The following ADAMTS18 variants were observed in gnomAD, a reference collection of about 807,000 sequenced individuals.
The protein encoded by ADAMTS18 is A disintegrin and metalloproteinase with thrombospondin motifs 18.
ADAMTS18 carries 157 observed loss-of-function variants against 165.9 expected under a neutral mutation model. The observed-to-expected ratio is 0.95, with a 90% CI of 0.83 to 1.08. The LOEUF is 1.08. Among genes scored for constraint, ADAMTS18 ranks in the 50% least tolerant of loss-of-function variants. The pLI is 0.00. For synonymous variants in ADAMTS18, 782 were observed against 578.2 expected (o/e 1.35, Z -5.06); for missense variants, 2,040 against 1,534.0 (o/e 1.33, Z -5.51).
chr16:77,351,094 C>CT (rs2056549581), intron 10 of ADAMTS18, among the ~76,000 whole-genome samples: 1 of 152,188 alleles, frequency 6.6e-6, no homozygotes, highest in Admixed American at 6.5e-5. Flanking sequence ...GAAATCCCTC[C>CT]TGGCTAGAGC....
At position 77,320,094 on chromosome 16, in the gene ADAMTS18, C is replaced by T; in HGVS notation, c.2288-1G>A. The T allele has an allele frequency of 1.9e-6, 3 of 1,614,036 alleles. No individual in the cohort carries two copies. Among genetic ancestry groups the T allele is most frequent in the Non-Finnish European group, 2.5e-6 (3 of 1,179,980 alleles). ...GGAATGAGGACCACCGGATAATATT[C>T]TAAATGGAAAGAAGAGAACATGTCT... On this transcript the variant is annotated splice_acceptor_variant, in intron 15 of 22. Coordinates refer to ENST00000282849, the MANE Select transcript of ADAMTS18 (RefSeq NM_199355.4). LOFTEE classifies it high-confidence loss of function.
intron 20 of ADAMTS18, among the ~76,000 whole-genome samples, chr16:77,291,739 C>G (rs577556321): frequency 6.6e-6 from 1 of 152,168 alleles, no homozygotes; most frequent in Non-Finnish European, 1.5e-5. Context: ...AAAAAAGGAA[C>G]CTTGGGATGC....
intron 3 of ADAMTS18, among the ~76,000 whole-genome samples, chr16:77,430,952 A>G (rs920040161): frequency 6.6e-6 from 1 of 152,222 alleles, no homozygotes; most frequent in Non-Finnish European, 1.5e-5. Flanking sequence ...ATGTAGACGC[A>G]TGAAGCTTGT....
intron 16 of ADAMTS18, among the ~76,000 whole-genome samples, chr16:77,302,521 T>G (rs1233818632): frequency 6.6e-6 from 1 of 152,104 alleles, no homozygotes; most frequent in Non-Finnish European, 1.5e-5. Context: ...ACGCACATAG[T>G]AGGGGCAAGC....
intron 7 of ADAMTS18, among the ~76,000 whole-genome samples, chr16:77,361,815 C>T (rs762595433): frequency 2.0e-4 from 30 of 152,010 alleles, no homozygotes; most frequent in Non-Finnish European, 3.2e-4. Context: ...ACCCAGGAGG[C>T]GGAGGTTGTA....
intron 11 of ADAMTS18, among the ~76,000 whole-genome samples, chr16:77,341,411 A>C (rs2056395258): frequency 6.6e-6 from 1 of 152,186 alleles, no homozygotes; most frequent in South Asian, 2.1e-4. Context: ...GTTTAAAAGG[A>C]AAATGGTATG....
At chr16:77,346,848 C>G (rs980801564) in intron 10 of ADAMTS18, among the ~76,000 whole-genome samples, 2 of 152,156 alleles carry the variant, frequency 1.3e-5, no homozygotes, top group African/African-American at 4.8e-5. Flanking sequence ...AATATGCATT[C>G]ATTTTAAGTG....
Position 77,353,888 on chromosome 16 carries a change from T to A in ADAMTS18, c.1461-2A>T. 1 of 1,614,210 alleles carries A rather than the reference T, an allele frequency of 6.2e-7. No individual in the cohort carries two copies. The highest frequency in any genetic ancestry group is 8.5e-7 in the Non-Finnish European group (1 of 1,180,014). ...ACTAGACACCCCGCCTGAGGTGTGC[T>A]GTAATGACAATACATGCTTATTAAT... is the stretch of plus-strand genomic sequence containing the variant. On this transcript the variant is annotated splice_acceptor_variant, in intron 9 of 22. Transcript: ENST00000282849. LOFTEE classifies it high-confidence loss of function.
chr16:77,420,165 G>T (rs552789386), intron 3 of ADAMTS18, among the ~76,000 whole-genome samples: 2 of 149,986 alleles, frequency 1.3e-5, no homozygotes, highest in East Asian at 3.9e-4. Flanking sequence ...GTGGGTGAAG[G>T]GTATGTGGAA....
At chr16:77,397,946 C>T (rs1243386368) in intron 3 of ADAMTS18, among the ~76,000 whole-genome samples, 1 of 152,112 alleles carries the variant, frequency 6.6e-6, no homozygotes, top group Non-Finnish European at 1.5e-5. Flanking sequence ...TGTGTATCCT[C>T]CCTGACCTTA....
intron 4 of ADAMTS18, among the ~76,000 whole-genome samples, chr16:77,366,640 G>C (rs529694452): frequency 1.3e-5 from 2 of 152,184 alleles, no homozygotes. Flanking sequence ...CAAACAACTT[G>C]AGTATGTAAA....
At chr16:77,332,351 C>T (rs952978845) in intron 12 of ADAMTS18, among the ~76,000 whole-genome samples, 1 of 152,102 alleles carries the variant, frequency 6.6e-6, no homozygotes, top group Non-Finnish European at 1.5e-5. Flanking sequence ...GGTGGGCTGA[C>T]CCTCTGTGAC....
At chr16:77,322,233 C>T (rs1355675796) in intron 14 of ADAMTS18, 103 bp downstream of exon 14, 3 of 1,417,416 alleles carry the variant, frequency 2.1e-6, no homozygotes, top group South Asian at 1.2e-5. Context: ...ATGCCACCTG[C>T]TCTTCTCCAG....
At chr16:77,391,672 T>C (rs1203234288) in intron 3 of ADAMTS18, among the ~76,000 whole-genome samples, 1 of 152,126 alleles carries the variant, frequency 6.6e-6, no homozygotes, top group Non-Finnish European at 1.5e-5. Flanking sequence ...GTAAATAACC[T>C]ATAATCTGCT....
intron 17 of ADAMTS18, among the ~76,000 whole-genome samples, chr16:77,298,535 T>A (rs2055519208): frequency 6.6e-6 from 1 of 152,110 alleles, no homozygotes; most frequent in African/African-American, 2.4e-5. Context: ...CTCACACTGA[T>A]AATCCCAGCA....
chr16:77,343,724 C>A (rs2056433598), intron 10 of ADAMTS18, among the ~76,000 whole-genome samples: 1 of 152,080 alleles, frequency 6.6e-6, no homozygotes, highest in Non-Finnish European at 1.5e-5. Flanking sequence ...GTTTTCTAGT[C>A]TATAAAGAAA....
At chr16:77,352,595 G>C (rs1352123864) in intron 10 of ADAMTS18, among the ~76,000 whole-genome samples, 1 of 152,132 alleles carries the variant, frequency 6.6e-6, no homozygotes, top group Non-Finnish European at 1.5e-5. Context: ...GGCTCACTTA[G>C]CAACTGCTGA....
chr16:77,338,007 G>T (rs191745390), intron 11 of ADAMTS18, among the ~76,000 whole-genome samples: 36 of 150,918 alleles, frequency 2.4e-4, no homozygotes, highest in Non-Finnish European at 4.6e-4. Flanking sequence ...AGGTTCAAGC[G>T]ATTCTCCTGC....
At chr16:77,314,785 T>TATATATATATAA (rs1430439608) in intron 16 of ADAMTS18, among the ~76,000 whole-genome samples, 1 of 87,108 alleles carries the variant, frequency 1.1e-5, no homozygotes, top group East Asian at 3.0e-4. Context: ...TATATATATA[T>TATATATATATAA]AAAATATATG....
Sources: gnomAD v4.1 joint callset for allele counts (sites outside exome capture counted in the v4.1 genomes callset) on GRCh38, gnomAD v4.1.1 for gene constraint, MANE v1.5 for transcripts, NCBI Gene and HGNC (gene_info 2026-07-23, HGNC 2026-07-21) for gene names.